Variants in PVT1 observed in about 807,000 individuals in gnomAD.
PVT1 encodes the protein Pvt1 oncogene.
chr8:127,812,592 G>A (rs1179909383), intron 2 of PVT1, among the ~76,000 whole-genome samples: 1 of 144,630 alleles, frequency 6.9e-6, no homozygotes, highest in Non-Finnish European at 1.5e-5. Flanking sequence ...GAGAGGGAGG[G>A]AAGGAAGGAA....
intron 4 of PVT1, among the ~76,000 whole-genome samples, chr8:128,002,174 T>A (rs1157925620): frequency 6.6e-6 from 1 of 152,188 alleles, no homozygotes; most frequent in Non-Finnish European, 1.5e-5. Context: ...AATGCATAAA[T>A]GAGTGAAAGA....
chr8:127,901,218 G>C (rs1815754567), intron 3 of PVT1, among the ~76,000 whole-genome samples: 1 of 152,182 alleles, frequency 6.6e-6, no homozygotes, highest in African/African-American at 2.4e-5. Flanking sequence ...ACAGTGGAGA[G>C]CTGAGGAGGA....
chr8:127,958,303 G>A (rs1441190940), intron 3 of PVT1, among the ~76,000 whole-genome samples: 4 of 151,554 alleles, frequency 2.6e-5, no homozygotes, highest in South Asian at 2.1e-4. Context: ...GCAGTGGCGC[G>A]ATATCCACTC....
At chr8:128,013,991 A>T (rs1055052973) in intron 4 of PVT1, among the ~76,000 whole-genome samples, 4 of 152,248 alleles carry the variant, frequency 2.6e-5, no homozygotes, top group Non-Finnish European at 5.9e-5. Context: ...ATAGACACGT[A>T]TATGAGGATA....
chr8:128,027,094 C>G (rs1333761209), intron 4 of PVT1, among the ~76,000 whole-genome samples: 3 of 149,054 alleles, frequency 2.0e-5, no homozygotes, highest in Admixed American at 2.0e-4. Flanking sequence ...TCTGTTCTTA[C>G]ATAAGAATCT....
chr8:128,041,088 TTGTG>T (rs756135922), intron 4 of PVT1, among the ~76,000 whole-genome samples: 3 of 151,046 alleles, frequency 2.0e-5, no homozygotes, highest in Admixed American at 6.6e-5. Context: ...GTGCATATGT[TTGTG>T]TGTGCTTGTG....
intron 3 of PVT1, among the ~76,000 whole-genome samples, chr8:127,988,050 G>A (rs1416549782): frequency 2.0e-5 from 3 of 152,192 alleles, no homozygotes; most frequent in Admixed American, 6.5e-5. Flanking sequence ...AGATCTGTCC[G>A]TGATACCAAC....
chr8:127,814,838 C>T (rs935451019), intron 2 of PVT1, among the ~76,000 whole-genome samples: 1 of 152,202 alleles, frequency 6.6e-6, no homozygotes, highest in African/African-American at 2.4e-5. Flanking sequence ...TTACTCTCCT[C>T]TCCCCCTCCC....
intron 5 of PVT1, among the ~76,000 whole-genome samples, chr8:128,073,067 C>T (rs947606058): frequency 1.3e-5 from 2 of 151,998 alleles, no homozygotes; most frequent in African/African-American, 2.4e-5. Context: ...CTCCTGACCT[C>T]GAGTGATCTG....
At chr8:127,993,591 T>C (rs1380846999) in intron 4 of PVT1, among the ~76,000 whole-genome samples, 2 of 152,258 alleles carry the variant, frequency 1.3e-5, no homozygotes, top group Non-Finnish European at 2.9e-5. Context: ...CTAGGTCTTG[T>C]TCTCTGTCTG....
At chr8:127,879,547 AAAAC>A (rs746420805) in intron 2 of PVT1, among the ~76,000 whole-genome samples, 3 of 152,000 alleles carry the variant, frequency 2.0e-5, no homozygotes, top group Admixed American at 6.5e-5. Context: ...AAAACAAAAC[AAAAC>A]AAACAAACAA....
intron 5 of PVT1, among the ~76,000 whole-genome samples, chr8:128,077,945 C>T (rs575581920): frequency 3.3e-5 from 5 of 152,234 alleles, no homozygotes; most frequent in African/African-American, 1.2e-4. Context: ...AAATAAATTT[C>T]CTGACACCAA....
rs114667121 is a variant in PVT1, at chr8:127,855,376, G to A, written n.373-35213G>A. 2.9e-3 allele frequency: 1,137 copies of A among 395,000 alleles called. 15 individuals are homozygous for A. The highest frequency in any genetic ancestry group is 0.022 in the African/African-American group (1,055 of 48,684). 24.5% of individuals were successfully genotyped at this position (395,000 alleles called of 1,614,324 possible). A position where few individuals can be genotyped will look rare whatever the true frequency, so the allele number is the denominator to read the frequency against. On this transcript the variant is annotated intron_variant and non_coding_transcript_variant, in intron 2 of 10. Coordinates refer to ENST00000651587, the Ensembl canonical transcript of PVT1. ...GGTCCCGGTGTGCGGAAATTGGATGGCTCGCTGACCCCAAGGGGAAACCCT... is the reference window on the plus strand; with the variant it reads ...GGTCCCGGTGTGCGGAAATTGGATGACTCGCTGACCCCAAGGGGAAACCCT...
intron 3 of PVT1, among the ~76,000 whole-genome samples, chr8:127,908,179 A>G (rs868091086): frequency 3.3e-5 from 5 of 151,996 alleles, no homozygotes; most frequent in Non-Finnish European, 5.9e-5. Context: ...CACAAAATAC[A>G]ACCACATTTT....
intron 2 of PVT1, among the ~76,000 whole-genome samples, chr8:127,854,076 G>A (rs536597892): frequency 2.6e-5 from 4 of 152,140 alleles, no homozygotes; most frequent in East Asian, 3.9e-4. Context: ...CCCCAAGGCC[G>A]CCCACCCTCC....
At position 127,804,284 on chromosome 8, in the gene PVT1, T is replaced by C. The variant is rs543921044; in HGVS notation, n.372+8213T>C. ...GTAAATTCATAAAAAATAATATTTC[T>C]TGAGTTGAATACAAACAATACAATC... On this transcript the variant is annotated intron_variant and non_coding_transcript_variant, in intron 2 of 10. Coordinates refer to ENST00000651587, the Ensembl canonical transcript of PVT1. Among the ~76,000 whole-genome samples, 3 of 152,284 alleles carry C rather than the reference T, an allele frequency of 2.0e-5. No homozygotes were observed. The South Asian group carries it at 6.2e-4, about 32-fold the overall frequency.
intron 2 of PVT1, among the ~76,000 whole-genome samples, chr8:127,847,669 G>A (rs915407142): frequency 6.6e-6 from 1 of 152,190 alleles, no homozygotes; most frequent in Non-Finnish European, 1.5e-5. Context: ...GCACAAACAC[G>A]GGGAGATCTC....
chr8:127,919,117 G>A (rs539432525), intron 3 of PVT1, among the ~76,000 whole-genome samples: 45 of 152,302 alleles, frequency 3.0e-4, no homozygotes, highest in South Asian at 2.9e-3. Context: ...CAGGAGCCTG[G>A]CCAGCCCTCA....
chr8:127,823,645 C>G (rs564563226), intron 2 of PVT1, among the ~76,000 whole-genome samples: 25 of 152,284 alleles, frequency 1.6e-4, no homozygotes, highest in African/African-American at 6.0e-4. Context: ...GGGAGACCAG[C>G]ATGCCCCCTC....
Sources: allele counts gnomAD v4.1 joint callset (sites outside exome capture counted in the v4.1 genomes callset), GRCh38; gene constraint gnomAD v4.1.1; transcripts MANE v1.5; gene names NCBI Gene and HGNC (gene_info 2026-07-23, HGNC 2026-07-21).